Variants in HIPK2 observed in about 807,000 individuals in gnomAD.
HIPK2 encodes the protein homeodomain-interacting protein kinase 2.
In HIPK2, 27 loss-of-function variants were observed where a neutral mutation model predicts 113.7. The ratio of observed to expected loss-of-function variants is 0.24; its 90% CI spans 0.17 to 0.33. The LOEUF (loss-of-function observed/expected upper bound fraction) is 0.33. HIPK2 is among the 10% of genes least tolerant of loss of function. The pLI, the probability that HIPK2 is intolerant of heterozygous loss-of-function variation, is 1.00. For missense variants in HIPK2, 1,257 were observed against 1,588.0 expected (o/e 0.79, Z 3.54); for synonymous variants, 631 against 642.2 (o/e 0.98, Z 0.26).
chr7:139,595,149 T>C (rs553595530), intron 12 of HIPK2, among the ~76,000 whole-genome samples: 27 of 152,288 alleles, frequency 1.8e-4, no homozygotes, highest in Admixed American at 7.2e-4. Flanking sequence ...ATCTAGCTGA[T>C]TGTCAGATTT....
At chr7:139,765,129 C>T (rs1250567027) in intron 1 of HIPK2, among the ~76,000 whole-genome samples, 1 of 145,186 alleles carries the variant, frequency 6.9e-6, no homozygotes, top group East Asian at 2.0e-4. Context: ...GAGCGAGACT[C>T]TGTCTCAAAA....
intron 1 of HIPK2, among the ~76,000 whole-genome samples, chr7:139,769,355 CT>C (rs1167669134): frequency 1.3e-5 from 2 of 151,902 alleles, no homozygotes; most frequent in African/African-American, 4.8e-5. Flanking sequence ...TGGCCCACCC[CT>C]GGCTGTCTGG....
intron 2 of HIPK2, among the ~76,000 whole-genome samples, chr7:139,677,777 T>C (rs1326359867): frequency 6.6e-6 from 1 of 152,130 alleles, no homozygotes; most frequent in African/African-American, 2.4e-5. Flanking sequence ...TGGTTCTAGA[T>C]CCTTGAGGAA....
chr7:139,701,874 A>C (rs1198905366), intron 2 of HIPK2, among the ~76,000 whole-genome samples: 2 of 152,162 alleles, frequency 1.3e-5, no homozygotes, highest in East Asian at 3.9e-4. Context: ...TGCCAAAGGC[A>C]CCGTGCAGAC....
chr7:139,645,680 G>A (rs1476966222), intron 2 of HIPK2, among the ~76,000 whole-genome samples: 1 of 152,166 alleles, frequency 6.6e-6, no homozygotes, highest in Admixed American at 6.5e-5. Flanking sequence ...GGAGCCAGGT[G>A]GATGAGGCTG....
At chr7:139,732,287 T>C (rs1795812534) in intron 1 of HIPK2, among the ~76,000 whole-genome samples, 1 of 152,152 alleles carries the variant, frequency 6.6e-6, no homozygotes, top group African/African-American at 2.4e-5. Context: ...CAAATTAAAG[T>C]GGGTTCTTTG....
At chr7:139,632,498 T>C (rs957528420) in intron 2 of HIPK2, among the ~76,000 whole-genome samples, 1 of 152,262 alleles carries the variant, frequency 6.6e-6, no homozygotes, top group African/African-American at 2.4e-5. Context: ...AGTTACCTAA[T>C]ATTACAATTA....
chr7:139,635,994 G>T (rs1412321923), intron 2 of HIPK2, among the ~76,000 whole-genome samples: 1 of 152,204 alleles, frequency 6.6e-6, no homozygotes, highest in African/African-American at 2.4e-5. Context: ...ATCTCCCCCT[G>T]TGGTTCCCAC....
At chr7:139,751,796 T>C (rs754679236) in intron 1 of HIPK2, among the ~76,000 whole-genome samples, 2 of 152,132 alleles carry the variant, frequency 1.3e-5, no homozygotes, top group Non-Finnish European at 1.5e-5. Flanking sequence ...ACCCCAAAGA[T>C]AGACCTTCCA....
intron 9 of HIPK2, among the ~76,000 whole-genome samples, chr7:139,610,912 C>A (rs889310250): frequency 2.6e-5 from 4 of 152,152 alleles, no homozygotes; most frequent in African/African-American, 9.7e-5. Context: ...GATCCAGGAT[C>A]CAATCAGATC....
chr7:139,646,351 TTA>T (rs1468513281), intron 2 of HIPK2, among the ~76,000 whole-genome samples: 1 of 151,738 alleles, frequency 6.6e-6, no homozygotes, highest in Admixed American at 6.6e-5. Flanking sequence ...TTTTAAAAAA[TTA>T]GCCAGGAGTG....
chr7:139,712,654 T>C (rs1795106320), intron 2 of HIPK2, among the ~76,000 whole-genome samples: 1 of 152,238 alleles, frequency 6.6e-6, no homozygotes, highest in African/African-American at 2.4e-5. Context: ...AAGCGTCTTC[T>C]TTCTGGGACA....
chr7:139,696,545 T>C (rs1794573131), intron 2 of HIPK2, among the ~76,000 whole-genome samples: 1 of 150,044 alleles, frequency 6.7e-6, no homozygotes, highest in Admixed American at 6.6e-5. Context: ...AGTGCACCAC[T>C]ATACTTTAGC....
In HIPK2 at chr7:139,658,688, G is replaced by A. The variant is rs73486017; in HGVS notation, c.1104-26963C>T. Reference sequence around the variant, plus strand: ...CTGGTAGGTACGGCAGAGTTGGGAGGTGCTGTGAAGGTGGGGATAAGATCT... The same window carrying A: ...CTGGTAGGTACGGCAGAGTTGGGAGATGCTGTGAAGGTGGGGATAAGATCT... On this transcript the variant is annotated intron_variant, in intron 2 of 14. Coordinates refer to ENST00000406875, the MANE Select transcript of HIPK2 (RefSeq NM_022740.5). 7.2e-3 allele frequency among the ~76,000 whole-genome samples: 1,091 copies of A among 152,328 alleles called. 18 individuals are homozygous for A. Among genetic ancestry groups the A allele is most frequent in the African/African-American group, 0.025 (1,048 of 41,572 alleles).
intron 1 of HIPK2, among the ~76,000 whole-genome samples, chr7:139,770,893 T>C (rs575577287): frequency 8.1e-4 from 123 of 152,368 alleles, no homozygotes; most frequent in African/African-American, 2.7e-3. Flanking sequence ...TAAGTAGCTA[T>C]AAAACCACAA....
chr7:139,654,620 G>A (rs1801591853), intron 2 of HIPK2, among the ~76,000 whole-genome samples: 1 of 152,188 alleles, frequency 6.6e-6, no homozygotes, highest in Admixed American at 6.5e-5. Context: ...GGTCTGTTAT[G>A]GGCTTGAGGC....
intron 1 of HIPK2, among the ~76,000 whole-genome samples, chr7:139,732,834 T>TGC (rs1204006243): frequency 3.3e-5 from 5 of 150,284 alleles, no homozygotes; most frequent in African/African-American, 9.8e-5. Context: ...TGTGTGTGTG[T>TGC]GTGTGTGTGT....
intron 2 of HIPK2, among the ~76,000 whole-genome samples, chr7:139,693,070 G>A (rs1794456019): frequency 8.7e-6 from 1 of 114,504 alleles, no homozygotes; most frequent in South Asian, 2.6e-4. Flanking sequence ...GAGGAACAGA[G>A]ACCAACCACT....
intron 2 of HIPK2, among the ~76,000 whole-genome samples, chr7:139,670,747 CTTTCTTTCTTTCTTTTTTTT>C (rs1443457147): frequency 1.6e-4 from 12 of 74,786 alleles, no homozygotes; most frequent in Admixed American, 1.6e-4. Flanking sequence ...TTCTTTCTTT[CTTTCTTTCTTTCTTTTTTTT>C]TTTTTTTTTT....
Sources: gnomAD v4.1 joint callset for allele counts (sites outside exome capture counted in the v4.1 genomes callset) on GRCh38, gnomAD v4.1.1 for gene constraint, MANE v1.5 for transcripts, NCBI Gene and HGNC (gene_info 2026-07-23, HGNC 2026-07-21) for gene names.